The following HEPACAM2 variants were observed in gnomAD, a reference collection of about 807,000 sequenced individuals.
The protein encoded by HEPACAM2 is mitotic kinetics regulator.
A neutral mutation model predicts 49.6 loss-of-function variants in HEPACAM2; 49 were observed. The observed-to-expected ratio is 0.99, with a 90% CI of 0.78 to 1.25. The LOEUF (loss-of-function observed/expected upper bound fraction) is 1.25, where lower values mean the gene tolerates loss of function less well. Among genes scored for constraint, HEPACAM2 ranks in the 50% most tolerant of loss-of-function variants. The pLI is 0.00. For synonymous variants in HEPACAM2, 197 were observed against 202.9 expected, an observed-to-expected ratio of 0.97 and a Z score of 0.25; for missense variants, 525 against 557.2, an observed-to-expected ratio of 0.94 and a Z score of 0.58.
chr7:93,215,103 C>A (rs916919286), intron 3 of HEPACAM2, among the ~76,000 whole-genome samples: 1 of 152,062 alleles, frequency 6.6e-6, no homozygotes, highest in Non-Finnish European at 1.5e-5. Flanking sequence ...GTTCTGGGTT[C>A]TTGAAATTGA....
intron 4 of HEPACAM2, among the ~76,000 whole-genome samples, chr7:93,204,330 CTATCTA>C (rs1793972017): frequency 8.7e-6 from 1 of 114,922 alleles, no homozygotes; most frequent in African/African-American, 3.4e-5. Context: ...CATTCTCTAT[CTATCTA>C]TCTATCTATC....
chr7:93,225,487 G>C (rs1794522445), intron 1 of HEPACAM2, among the ~76,000 whole-genome samples: 1 of 152,056 alleles, frequency 6.6e-6, no homozygotes, highest in African/African-American at 2.4e-5. Context: ...TGAAAGTAAA[G>C]CTCTAAATAG....
In HEPACAM2 at chr7:93,208,853, T is replaced by TATG; in HGVS notation, c.738_739insCAT (p.Val246_Asn247insHis). 1 of 1,606,922 alleles carries TATG rather than the reference T, an allele frequency of 6.2e-7. No homozygotes were observed. ...CCTACTTTTAGCCCTTTATCAGAAT[T>TATG]CACTTGAAGTCCATAAGGTCCATCT... On this transcript the variant is annotated inframe_insertion, in exon 4 of 10. Transcript: ENST00000394468.
chr7:93,213,081 G>A (rs970832351), intron 3 of HEPACAM2, among the ~76,000 whole-genome samples: 4 of 151,874 alleles, frequency 2.6e-5, no homozygotes, highest in African/African-American at 9.7e-5. Context: ...TCATGATGCT[G>A]TTTGCCGCCC....
At position 93,195,821 on chromosome 7, in the gene HEPACAM2, A is replaced by G. The variant is rs2116634667; in HGVS notation, c.1275+7T>C. The stretch of plus-strand genomic sequence containing the variant: ...TTCTCGGTTAATCAGCCACTAGGAA[A>G]ACCAACCCTGGAAACACCAGAAACA... On this transcript the variant is annotated splice_region_variant and intron_variant, in intron 8 of 9. Transcript: ENST00000394468. 6.2e-7 allele frequency: 1 copy of G among 1,610,842 alleles called. No individual in the cohort carries two copies. Among genetic ancestry groups the G allele is most frequent in the Admixed American group, 1.7e-5 (1 of 59,856 alleles).
intron 1 of HEPACAM2, among the ~76,000 whole-genome samples, chr7:93,224,759 G>A (rs529439058): frequency 6.6e-6 from 1 of 152,166 alleles, no homozygotes; most frequent in South Asian, 2.1e-4. Context: ...GTTATCATGT[G>A]TGGTATTAAC....
chr7:93,194,092 A>G (rs1222589251), intron 8 of HEPACAM2, among the ~76,000 whole-genome samples: 1 of 152,162 alleles, frequency 6.6e-6, no homozygotes, highest in African/African-American at 2.4e-5. Flanking sequence ...TGTTTCTGAT[A>G]GAAATAAGCA....
At chr7:93,211,048 C>A (rs930101900) in intron 3 of HEPACAM2, among the ~76,000 whole-genome samples, 2 of 151,974 alleles carry the variant, frequency 1.3e-5, no homozygotes, top group African/African-American at 4.8e-5. Flanking sequence ...TTTGCAGATT[C>A]CCAGAGTGGT....
intron 4 of HEPACAM2, among the ~76,000 whole-genome samples, chr7:93,199,438 G>A (rs763452707): frequency 6.6e-6 from 1 of 152,068 alleles, no homozygotes; most frequent in Non-Finnish European, 1.5e-5. Context: ...TTGCACTTGG[G>A]TAGTCTCTTT....
chr7:93,195,864 T>C lies in HEPACAM2; in HGVS notation c.1239A>G (p.Glu413=). ...CAGAAACATCTGGAAAAGCAACAAA[T>C]TCATATATTCCGAAGTCATCCAGAG... is the stretch of plus-strand genomic sequence containing the variant. The part of the protein sequence containing the change: ...EDALDDFGIY[E]FVAFPDVSGV... The change falls in exon 8 of 10, where the codon GAA becomes GAG. Residue 413 remains glutamate, a synonymous_variant. Transcript: ENST00000394468. 1 of 1,613,090 alleles carries C rather than the reference T, an allele frequency of 6.2e-7. No homozygotes were observed. The highest frequency in any genetic ancestry group is 8.5e-7 in the Non-Finnish European group (1 of 1,179,488).
In HEPACAM2 at chr7:93,217,396, TTTAC is replaced by T. The variant is rs1794330573; in HGVS notation, c.430+1701_430+1704del. Among the ~76,000 whole-genome samples, 3 of 152,302 alleles carry T rather than the reference TTTAC, an allele frequency of 2.0e-5. No individual in the cohort carries two copies. In the South Asian group the frequency reaches 6.2e-4, roughly 32 times the overall value. On this transcript the variant is annotated intron_variant, in intron 2 of 9. Transcript: ENST00000394468. ...ATGGGGCCTAAAACCCTATTCAGGC[TTTAC>T]TAAGTTTTTGGTTGCATTTTCCTAA...
In HEPACAM2 at chr7:93,189,090, G is replaced by A; in HGVS notation, c.*177C>T. On this transcript the variant is annotated 3_prime_UTR_variant, in exon 10 of 10. Transcript: ENST00000394468. ...TTGCACAAGACATTGTGTATATGCT[G>A]AAAAACCTGCAGTTCAATTTGCATA... 1 of 528,864 alleles carries A rather than the reference G, an allele frequency of 1.9e-6. No individual in the cohort carries two copies. The highest frequency in any genetic ancestry group is 3.3e-6 in the Non-Finnish European group (1 of 299,352). 32.8% of individuals were successfully genotyped at this position (528,864 alleles called of 1,614,324 possible).
chr7:93,215,712 A>G (rs944464232), intron 2 of HEPACAM2, 27 bp from the exon 3 acceptor site: 5 of 1,594,100 alleles, frequency 3.1e-6, no homozygotes, highest in African/African-American at 1.3e-5. Flanking sequence ...GATATGAATG[A>G]TTTTTTCTTT....
chr7:93,194,754 C>A (rs976598817), intron 8 of HEPACAM2, among the ~76,000 whole-genome samples: 3 of 152,024 alleles, frequency 2.0e-5, no homozygotes, highest in Non-Finnish European at 2.9e-5. Flanking sequence ...TGCCTGGAAG[C>A]AAGTAATCTG....
intron 4 of HEPACAM2, among the ~76,000 whole-genome samples, chr7:93,201,149 AAT>A (rs1421791644): frequency 5.9e-5 from 9 of 152,152 alleles, no homozygotes; most frequent in Admixed American, 2.0e-4. Context: ...GTTGAAATGA[AAT>A]AACATTATTA....
At position 93,213,900 on chromosome 7, in the gene HEPACAM2, C is replaced by T. The variant is rs1794240199; in HGVS notation, c.715+1501G>A. Among the ~76,000 whole-genome samples, 3 of 152,036 alleles carry T rather than the reference C, an allele frequency of 2.0e-5. No individual in the cohort carries two copies. In the South Asian group the frequency reaches 6.2e-4, roughly 32 times the overall value. On this transcript the variant is annotated intron_variant, in intron 3 of 9. Transcript: ENST00000394468. ...GATGAAGAAAGAGAAGTGTGAATAA[C>T]ACCAACCAAGGCACATATTCCCAGC...
chr7:93,212,087 T>G (rs1161595823), intron 3 of HEPACAM2, among the ~76,000 whole-genome samples: 1 of 152,148 alleles, frequency 6.6e-6, no homozygotes, highest in East Asian at 1.9e-4. Context: ...CAAGCAGTAA[T>G]TCTTCAATTT....
At chr7:93,206,362 G>A (rs1464503527) in intron 4 of HEPACAM2, among the ~76,000 whole-genome samples, 1 of 152,028 alleles carries the variant, frequency 6.6e-6, no homozygotes, top group Non-Finnish European at 1.5e-5. Flanking sequence ...ATTGTGAGCA[G>A]GAATTCTTAT....
chr7:93,208,456 T>C (rs1794084713), intron 4 of HEPACAM2, 124 bp downstream of exon 4: 2 of 847,670 alleles, frequency 2.4e-6, no homozygotes, highest in African/African-American at 1.7e-5. Flanking sequence ...GAAAGAGAGA[T>C]TTTTAGAATA....
Sources: allele counts gnomAD v4.1 joint callset (sites outside exome capture counted in the v4.1 genomes callset), GRCh38; gene constraint gnomAD v4.1.1; transcripts MANE v1.5; gene names NCBI Gene and HGNC (gene_info 2026-07-23, HGNC 2026-07-21).